The following PRICKLE2 variants were observed in gnomAD, a reference collection of about 807,000 sequenced individuals.
PRICKLE2 encodes the protein prickle planar cell polarity protein 2.
PRICKLE2 carries 21 observed loss-of-function variants against 81.4 expected under a neutral mutation model. That is an observed-to-expected ratio of 0.26 (90% confidence interval 0.18 to 0.37). The LOEUF (loss-of-function observed/expected upper bound fraction) is 0.37, where lower values mean the gene tolerates loss of function less well. Among genes scored for constraint, PRICKLE2 ranks in the 10% least tolerant of loss-of-function variants. The pLI is 1.00. For synonymous variants in PRICKLE2, 456 were observed against 421.5 expected, an observed-to-expected ratio of 1.08 and a Z score of -1.00; for missense variants, 940 against 1,109.0, an observed-to-expected ratio of 0.85 and a Z score of 2.16.
At chr3:64,222,853 A>G (rs2078977639) in intron 1 of PRICKLE2, among the ~76,000 whole-genome samples, 2 of 152,240 alleles carry the variant, frequency 1.3e-5, no homozygotes, top group South Asian at 2.1e-4. Context: ...ATTGATTCCA[A>G]CTGGGACCCC....
At chr3:64,236,198 G>A (rs1209907965) in intron 2 of PRICKLE2, among the ~76,000 whole-genome samples, 2 of 152,102 alleles carry the variant, frequency 1.3e-5, no homozygotes, top group Non-Finnish European at 1.5e-5. Context: ...CCAACACCTA[G>A]CATACTTAGA....
At chr3:64,178,989 T>TTCTTTC (rs1553648463) in intron 2 of PRICKLE2, among the ~76,000 whole-genome samples, 9 of 145,166 alleles carry the variant, frequency 6.2e-5, no homozygotes, top group African/African-American at 2.4e-4. Flanking sequence ...CTTTCTTTCT[T>TTCTTTC]TCTTTCTTTC....
At chr3:64,159,203 C>T (rs914820600) in intron 4 of PRICKLE2, among the ~76,000 whole-genome samples, 2 of 152,158 alleles carry the variant, frequency 1.3e-5, no homozygotes, top group African/African-American at 4.8e-5. Flanking sequence ...TGAACCCACT[C>T]TCACCTGTTC....
intron 1 of PRICKLE2, among the ~76,000 whole-genome samples, chr3:64,203,656 C>T (rs2078628740): frequency 6.6e-6 from 1 of 152,018 alleles, no homozygotes; most frequent in Non-Finnish European, 1.5e-5. Context: ...CCAGAATGAG[C>T]ATCGACAAGT....
rs186336921 is a variant in PRICKLE2, at chr3:64,259,511, G to A, written c.129-60544C>T. 1.5e-3 allele frequency among the ~76,000 whole-genome samples: 227 copies of A among 152,266 alleles called. 1 individual carries two copies. Among genetic ancestry groups the A allele is most frequent in the African/African-American group, 5.2e-3 (216 of 41,534 alleles). ...CTAATGCTTGAGTCAATGTGCCTCCGTGGTAGGTTGCAAAATGGCCTCCCA... is the reference window on the plus strand; with the variant it reads ...CTAATGCTTGAGTCAATGTGCCTCCATGGTAGGTTGCAAAATGGCCTCCCA... On this transcript the variant is annotated intron_variant, in intron 2 of 8. Coordinates refer to the PRICKLE2 transcript ENST00000295902.
At chr3:64,198,667 C>T (rs696016) in intron 2 of PRICKLE2, 117 bp downstream of exon 2, 144,685 of 1,134,664 alleles carry the variant, frequency 0.13, 11,110 homozygotes, top group East Asian at 0.37. Context: ...CATATTTAGC[C>T]CTACCACTTC....
At chr3:64,125,842 A>G (rs867262836) in intron 7 of PRICKLE2, among the ~76,000 whole-genome samples, 2 of 152,236 alleles carry the variant, frequency 1.3e-5, no homozygotes, top group African/African-American at 2.4e-5. Context: ...CCAAAATCTG[A>G]CAAAGAACCT....
At position 64,099,521 on chromosome 3, in the gene PRICKLE2, G is replaced by A. The variant is rs757119488; in HGVS notation, c.2065C>T (p.Arg689Cys). Residue 689 changes from arginine (R) to cysteine (C), a missense_variant, in exon 8 of 8, where the codon CGT becomes TGT. This residue lies in a region of PRICKLE2 where 670 missense variants were observed against 717.2 expected (regional missense o/e 0.93). Coordinates refer to ENST00000638394, the MANE Select transcript of PRICKLE2 (RefSeq NM_198859.4). The surrounding 1 kb of genome is among the most constrained non-coding windows in gnomAD (Gnocchi z 4.3). ...TTGTCGGAGCGAGAGCGTCGGGAAC[G>A]CCTGGACCTGTGAGGTCGGAAACGG... is the stretch of plus-strand genomic sequence containing the variant. ...NRRFRPHRSR[R>C]SRRSRSDNAL... 4 of 1,606,716 alleles carry A rather than the reference G, an allele frequency of 2.5e-6. No individual in the cohort carries two copies. The highest frequency in any genetic ancestry group is 3.4e-6 in the Non-Finnish European group (4 of 1,174,026).
At chr3:64,173,584 C>T (rs745600348) in intron 2 of PRICKLE2, among the ~76,000 whole-genome samples, 14 of 152,088 alleles carry the variant, frequency 9.2e-5, no homozygotes, top group East Asian at 1.9e-4. Flanking sequence ...AGTATGAGGC[C>T]GGCTCTAGCA....
intron 2 of PRICKLE2, chr3:64,267,997 G>A (rs1575733908): frequency 1.3e-5 from 2 of 152,382 alleles, no homozygotes; most frequent in South Asian, 4.1e-4. Context: ...CAGGGGCAGG[G>A]GTAGCGGCCG....
chr3:64,110,959 C>CAAAAAAAAAAAAAAAAAAAAAAAAAAAAA (rs550808708), intron 7 of PRICKLE2, among the ~76,000 whole-genome samples: 1 of 63,866 alleles, frequency 1.6e-5, no homozygotes, highest in Non-Finnish European at 2.7e-5. Flanking sequence ...GACTCCATCT[C>CAAAAAAAAAAAAAAAAAAAAAAAAAAAAA]AAAAAAAAAA....
At chr3:64,191,892 G>A (rs148146983) in intron 2 of PRICKLE2, among the ~76,000 whole-genome samples, 144 of 152,294 alleles carry the variant, frequency 9.5e-4, no homozygotes, top group Admixed American at 1.8e-3. Context: ...TGGTGCCTGG[G>A]TTTGGATACA....
At chr3:64,173,840 C>T (rs369259124) in intron 2 of PRICKLE2, among the ~76,000 whole-genome samples, 3 of 152,186 alleles carry the variant, frequency 2.0e-5, no homozygotes, top group Non-Finnish European at 2.9e-5. Context: ...CAGCCTTTTC[C>T]GAATCTCCAG....
upstream of PRICKLE2, chr3:64,225,535 T>C: frequency 1.3e-6 from 1 of 750,866 alleles, no homozygotes; most frequent in South Asian, 6.1e-5. Flanking sequence ...GGACGTCCCA[T>C]CCTGCTGCCC....
chr3:64,178,879 A>ATT (rs1271574152), intron 2 of PRICKLE2, among the ~76,000 whole-genome samples: 1 of 152,168 alleles, frequency 6.6e-6, no homozygotes, highest in Non-Finnish European at 1.5e-5. Flanking sequence ...ATTCATTAAC[A>ATT]TTTAACTTAT....
chr3:64,232,885 A>T (rs986208240), intron 2 of PRICKLE2, among the ~76,000 whole-genome samples: 1 of 152,190 alleles, frequency 6.6e-6, no homozygotes, highest in Non-Finnish European at 1.5e-5. Context: ...TTCACCCCTG[A>T]CATCTAATCC....
intron 7 of PRICKLE2, among the ~76,000 whole-genome samples, chr3:64,128,922 T>A (rs1458796213): frequency 6.6e-6 from 1 of 151,996 alleles, no homozygotes; most frequent in Non-Finnish European, 1.5e-5. Context: ...TTTTTTATTT[T>A]TTTTTTAACT....
chr3:64,150,957 A>C (rs1011099882), intron 6 of PRICKLE2, among the ~76,000 whole-genome samples: 1 of 152,108 alleles, frequency 6.6e-6, no homozygotes, highest in African/African-American at 2.4e-5. Flanking sequence ...GCTGTTCGAC[A>C]TCTAAGCGTT....
intron 2 of PRICKLE2, among the ~76,000 whole-genome samples, chr3:64,264,503 G>A (rs1484236206): frequency 2.0e-5 from 3 of 152,140 alleles, no homozygotes; most frequent in Non-Finnish European, 4.4e-5. Flanking sequence ...AAGTTAACAG[G>A]CATCATTCTG....
Sources: gnomAD v4.1 joint callset for allele counts (sites outside exome capture counted in the v4.1 genomes callset) on GRCh38, gnomAD v4.1.1 for gene constraint, gnomAD v4.1.1 regional missense constraint, Gnocchi (gnomAD v3.1) non-coding constraint, MANE v1.5 for transcripts, NCBI Gene and HGNC (gene_info 2026-07-23, HGNC 2026-07-21) for gene names.